Variants in MPDZ observed in about 807,000 individuals in gnomAD.
MPDZ encodes the protein multiple PDZ domain crumbs cell polarity complex component, also known as multiple PDZ domain protein.
Under a neutral mutation model 239.1 loss-of-function variants are expected in MPDZ, and 234 were observed. The ratio of observed to expected loss-of-function variants is 0.98; its 90% CI spans 0.88 to 1.09. MPDZ has a LOEUF of 1.09. Ranked by LOEUF, MPDZ falls within the 50% of genes least tolerant of loss-of-function variation. The probability of loss-of-function intolerance (pLI) is 0.00; values close to 1 mark genes in which losing one functional copy is unlikely to be tolerated. For synonymous variants in MPDZ, 1,048 were observed against 881.3 expected, an observed-to-expected ratio of 1.19 and a Z score of -3.35; for missense variants, 3,175 against 2,510.0, an observed-to-expected ratio of 1.26 and a Z score of -5.66.
intron 24 of MPDZ, among the ~76,000 whole-genome samples, chr9:13,154,813 T>C (rs754514566): frequency 5.3e-5 from 8 of 152,048 alleles, no homozygotes; most frequent in African/African-American, 9.7e-5. Flanking sequence ...TGAGAAAGAG[T>C]ACCATTTTCC....
chr9:13,251,093 C>T (rs1228111078), intron 1 of MPDZ, among the ~76,000 whole-genome samples: 1 of 130,062 alleles, frequency 7.7e-6, no homozygotes, highest in Non-Finnish European at 1.5e-5. Flanking sequence ...CATGCCACCG[C>T]ACTCCAGCCT....
chr9:13,196,933 T>C (rs1955726275), intron 12 of MPDZ, among the ~76,000 whole-genome samples: 1 of 151,882 alleles, frequency 6.6e-6, no homozygotes, highest in African/African-American at 2.4e-5. Context: ...ATTTGTCTTT[T>C]TAAAATCTCT....
rs759373553 is a variant in MPDZ at position 13,219,544 on chromosome 9, C to G, written c.1086+15G>C. On this transcript the variant is annotated intron_variant, in intron 8 of 46. Coordinates refer to ENST00000319217, the MANE Select transcript of MPDZ (RefSeq NM_001378778.1). ...ATTTCTCTGACTTTCACATTAACTA[C>G]TCTTAACTACTTACCCGCAACTCTG... 1 of 1,607,996 alleles carries G rather than the reference C, an allele frequency of 6.2e-7. No individual in the cohort carries two copies. Among genetic ancestry groups the G allele is most frequent in the Non-Finnish European group, 8.5e-7 (1 of 1,176,268 alleles).
chr9:13,148,267 G>A lies in MPDZ; in HGVS notation c.3631-609C>T, dbSNP rs114710129. Among the ~76,000 whole-genome samples the A allele has an allele frequency of 6.3e-3, 951 of 152,098 alleles. 10 individuals are homozygous for A. Among genetic ancestry groups the A allele is most frequent in the African/African-American group, 0.021 (866 of 41,514 alleles). On this transcript the variant is annotated intron_variant, in intron 25 of 46. Coordinates refer to ENST00000319217, the MANE Select transcript of MPDZ (RefSeq NM_001378778.1). ...ATAGTTTGACAATGAAAGTTATTTT[G>A]TAAATTTTATTGATCATGGTTTGCC...
chr9:13,150,728 A>G (rs755644202), intron 24 of MPDZ, 40 bp from the exon 25 acceptor site: 11 of 1,262,170 alleles, frequency 8.7e-6, no homozygotes, highest in Admixed American at 3.7e-5. Flanking sequence ...AGGAAAAATC[A>G]TAAGGGTAAA....
intron 24 of MPDZ, among the ~76,000 whole-genome samples, chr9:13,152,940 C>A (rs568640099): frequency 6.6e-6 from 1 of 152,080 alleles, no homozygotes; most frequent in Non-Finnish European, 1.5e-5. Context: ...CTAGATGAGT[C>A]AGAGTTCAGG....
intron 10 of MPDZ, among the ~76,000 whole-genome samples, chr9:13,215,147 G>A (rs1958136423): frequency 6.6e-6 from 1 of 151,804 alleles, no homozygotes; most frequent in South Asian, 2.1e-4. Context: ...CAGTCCCTGG[G>A]AGCCACTAAT....
rs910122656 is a variant in MPDZ, at chr9:13,196,168, G to A, written c.1609C>T (p.Leu537=). ...ATAATCCTTTGCCATTTTGTCAGCA[G>A]AGCAGCTTCTTGTTTTTGTGCATCT... ...IEDAQKQEAA[L]LTKWQRIMGI... is the part of the protein sequence containing the mutation. Residue 537 remains leucine (L), a synonymous_variant, in exon 13 of 47, where the codon CTG becomes TTG. Transcript: ENST00000319217. 1.9e-6 allele frequency: 3 copies of A among 1,603,938 alleles called. No individual in the cohort carries two copies. The highest frequency in any genetic ancestry group is 3.4e-5 in the Admixed American group (2 of 58,784).
rs1449682882 is a variant in MPDZ, at chr9:13,136,321, TTTTC to T, written c.4293-143_4293-140del. 97 of 424,294 alleles carry T rather than the reference TTTTC, an allele frequency of 2.3e-4. 1 individual carries two copies. Among genetic ancestry groups the T allele is most frequent in the Admixed American group, 7.8e-4 (16 of 20,490 alleles). The allele number at this position is 424,294 out of a possible 1,614,324, so 26.3% of individuals were successfully genotyped here. A position where few individuals can be genotyped will look rare whatever the true frequency, so the allele number is the denominator to read the frequency against. On this transcript the variant is annotated intron_variant, in intron 30 of 46. Transcript: ENST00000319217. ...TGTGACACTTACAAATTTACAAACG[TTTTC>T]TTTTTTTTTTTTTTTTTTTTTTTTG...
At chr9:13,230,518 C>G (rs558984156) in intron 3 of MPDZ, among the ~76,000 whole-genome samples, 1 of 152,240 alleles carries the variant, frequency 6.6e-6, no homozygotes, top group African/African-American at 2.4e-5. Context: ...AAGCCAATTT[C>G]TAAAGGTCAC....
intron 19 of MPDZ, among the ~76,000 whole-genome samples, chr9:13,177,980 C>G (rs1397873398): frequency 6.6e-6 from 1 of 152,092 alleles, no homozygotes; most frequent in Non-Finnish European, 1.5e-5. Context: ...ACTTAAAATG[C>G]TGGTACATAT....
chr9:13,201,903 C>T lies in MPDZ; in HGVS notation c.1546+3133G>A, dbSNP rs541722105. Among the ~76,000 whole-genome samples, 4 of 152,176 alleles carry T rather than the reference C, an allele frequency of 2.6e-5. No individual in the cohort carries two copies. In the South Asian group the frequency reaches 8.3e-4, roughly 32 times the overall value. On this transcript the variant is annotated intron_variant, in intron 12 of 46. Coordinates refer to ENST00000319217, the MANE Select transcript of MPDZ (RefSeq NM_001378778.1). Reference sequence around the variant, plus strand: ...CCATATTTTCCTGTGATTCCCTGAACCTCTTTAACAGGATTATTCTGAATT... The same window carrying T: ...CCATATTTTCCTGTGATTCCCTGAATCTCTTTAACAGGATTATTCTGAATT...
intron 25 of MPDZ, among the ~76,000 whole-genome samples, chr9:13,148,662 C>T (rs915521077): frequency 1.1e-4 from 17 of 151,716 alleles, no homozygotes; most frequent in African/African-American, 3.4e-4. Flanking sequence ...ATATTCCATT[C>T]GTGGAAAAAT....
intron 31 of MPDZ, 190 bp downstream of exon 31, chr9:13,135,902 C>G (rs1946666390): frequency 4.3e-6 from 2 of 462,808 alleles, no homozygotes; most frequent in African/African-American, 4.0e-5. Flanking sequence ...ACTACAAGTA[C>G]TCTTCACATA....
chr9:13,176,681 G>A (rs899649087), intron 19 of MPDZ, among the ~76,000 whole-genome samples: 5 of 142,852 alleles, frequency 3.5e-5, no homozygotes, highest in African/African-American at 7.4e-5. Flanking sequence ...GATACTGTAC[G>A]TAAGATCATT....
At chr9:13,141,984 T>A (rs897696073) in intron 27 of MPDZ, among the ~76,000 whole-genome samples, 26 of 152,170 alleles carry the variant, frequency 1.7e-4, no homozygotes, top group African/African-American at 6.3e-4. Context: ...CACACACACA[T>A]AAAACCCTCA....
chr9:13,180,823 G>C (rs1453876422), intron 19 of MPDZ, among the ~76,000 whole-genome samples: 1 of 151,848 alleles, frequency 6.6e-6, no homozygotes, highest in African/African-American at 2.4e-5. Flanking sequence ...GTTATTTCCC[G>C]TAAATCTTTA....
chr9:13,148,105 G>A (rs897143385), intron 25 of MPDZ, among the ~76,000 whole-genome samples: 56 of 152,124 alleles, frequency 3.7e-4, no homozygotes, highest in African/African-American at 1.3e-3. Context: ...GTACAGGGAA[G>A]CTTGAAGTTC....
rs373921499 is a variant in MPDZ, at chr9:13,270,747, G to A, written c.-58+8653C>T. 2.4e-4 allele frequency among the ~76,000 whole-genome samples: 36 copies of A among 152,082 alleles called. 1 individual carries two copies. The East Asian group carries it at 6.2e-3, about 26-fold the overall frequency. ...ATGTGGCTCACATGATATTTCCATT[G>A]GCCAGAGCTGATCTAGAATGATGCA... On this transcript the variant is annotated intron_variant, in intron 1 of 46. Coordinates refer to ENST00000319217, the MANE Select transcript of MPDZ (RefSeq NM_001378778.1).
Sources: gnomAD v4.1 joint callset for allele counts (sites outside exome capture counted in the v4.1 genomes callset) on GRCh38, gnomAD v4.1.1 for gene constraint, MANE v1.5 for transcripts, NCBI Gene and HGNC (gene_info 2026-07-23, HGNC 2026-07-21) for gene names.